The following MACROD2 variants were observed in gnomAD, a reference collection of about 807,000 sequenced individuals.
The protein encoded by MACROD2 is mono-ADP ribosylhydrolase 2, also known as ADP-ribose glycohydrolase MACROD2.
Under a neutral mutation model 70.4 loss-of-function variants are expected in MACROD2, and 36 were observed. The observed-to-expected ratio is 0.51, with a 90% CI of 0.39 to 0.68. MACROD2 has a LOEUF of 0.68. Among genes scored for constraint, MACROD2 ranks in the 30% least tolerant of loss-of-function variants. MACROD2 has a pLI of 0.00. For missense variants in MACROD2, 496 were observed against 538.4 expected (o/e 0.92, Z 0.78); for synonymous variants, 172 against 178.8 (o/e 0.96, Z 0.30).
At chr20:15,971,898 C>CT (rs2066236824) in intron 13 of MACROD2, among the ~76,000 whole-genome samples, 1 of 152,098 alleles carries the variant, frequency 6.6e-6, no homozygotes, top group Non-Finnish European at 1.5e-5. Context: ...ATAAATGGAA[C>CT]TCAACCCATA....
At chr20:15,717,460 T>A (rs1252336151) in intron 8 of MACROD2, among the ~76,000 whole-genome samples, 7 of 152,228 alleles carry the variant, frequency 4.6e-5, no homozygotes, top group Admixed American at 4.6e-4. Context: ...TTTATGGAGA[T>A]AACATGATTG....
chr20:15,230,435 G>T (rs2076950474), intron 6 of MACROD2, among the ~76,000 whole-genome samples: 1 of 152,104 alleles, frequency 6.6e-6, no homozygotes, highest in African/African-American at 2.4e-5. Context: ...ATATATATTG[G>T]TTGTATGCTT....
At chr20:14,193,984 A>G (rs1221948001) in intron 3 of MACROD2, among the ~76,000 whole-genome samples, 1 of 152,196 alleles carries the variant, frequency 6.6e-6, no homozygotes, top group Admixed American at 6.5e-5. Context: ...AGAAGGTCCA[A>G]TTGAAGGAGT....
intron 8 of MACROD2, among the ~76,000 whole-genome samples, chr20:15,570,478 G>A (rs1328442543): frequency 6.6e-6 from 1 of 152,112 alleles, no homozygotes; most frequent in Non-Finnish European, 1.5e-5. Flanking sequence ...AGTTATGAAC[G>A]ACTGAGAACC....
chr20:15,989,475 C>T (rs1362960276), intron 15 of MACROD2, among the ~76,000 whole-genome samples: 1 of 152,160 alleles, frequency 6.6e-6, no homozygotes. Context: ...CTCAATCTTC[C>T]ATTTGAGAAA....
intron 4 of MACROD2, among the ~76,000 whole-genome samples, chr20:14,625,276 G>A (rs553839219): frequency 4.5e-4 from 68 of 152,102 alleles, no homozygotes; most frequent in Non-Finnish European, 1.5e-4. Context: ...GCAGTGAGTC[G>A]AGATCGTGCC....
intron 15 of MACROD2, among the ~76,000 whole-genome samples, chr20:16,023,797 G>T (rs73111717): frequency 0.12 from 18,260 of 152,160 alleles, 1,330 homozygotes; most frequent in Middle Eastern, 0.19. Context: ...GTTGAAGTTT[G>T]TCTGGGGGTG....
chr20:15,934,507 A>G (rs1404837754), intron 11 of MACROD2, among the ~76,000 whole-genome samples: 1 of 151,840 alleles, frequency 6.6e-6, no homozygotes, highest in Non-Finnish European at 1.5e-5. Context: ...CCCACCCCCA[A>G]CCCACACATT....
At chr20:15,519,055 T>TTTCCTTCCTTCC (rs373164988) in intron 8 of MACROD2, among the ~76,000 whole-genome samples, 1,203 of 116,378 alleles carry the variant, frequency 0.01, 13 homozygotes, top group East Asian at 0.03. Flanking sequence ...TAACTCGCTC[T>TTTCCTTCCTTCC]TTCCTTCCTT....
chr20:15,386,205 A>G (rs889978038), intron 6 of MACROD2, among the ~76,000 whole-genome samples: 32 of 152,210 alleles, frequency 2.1e-4, no homozygotes, highest in African/African-American at 7.7e-4. Context: ...CATGGCTATT[A>G]GCAAAGGCAA....
At chr20:14,678,293 C>T (rs1317483861) in intron 4 of MACROD2, among the ~76,000 whole-genome samples, 1 of 152,126 alleles carries the variant, frequency 6.6e-6, no homozygotes, top group African/African-American at 2.4e-5. Context: ...AGGACTCAGT[C>T]TCACAACCCC....
chr20:15,716,172 T>G (rs1304583541), intron 8 of MACROD2, among the ~76,000 whole-genome samples: 1 of 152,166 alleles, frequency 6.6e-6, no homozygotes. Context: ...AAAAACTATT[T>G]AAAAATTTGT....
At chr20:15,602,154 C>T (rs1190051305) in intron 8 of MACROD2, among the ~76,000 whole-genome samples, 2 of 152,128 alleles carry the variant, frequency 1.3e-5, no homozygotes, top group East Asian at 1.9e-4. Flanking sequence ...AACCTCCTGC[C>T]GTGATGGGAG....
intron 5 of MACROD2, among the ~76,000 whole-genome samples, chr20:14,984,088 A>G (rs930642767): frequency 3.3e-5 from 5 of 152,138 alleles, no homozygotes; most frequent in African/African-American, 9.7e-5. Context: ...AACTCTGAAT[A>G]CCTACTTAAG....
chr20:14,357,847 A>G (rs982554), intron 3 of MACROD2, among the ~76,000 whole-genome samples: 89,776 of 152,158 alleles, frequency 0.59, 28,338 homozygotes, highest in Non-Finnish European at 0.71. Flanking sequence ...TGCAAATAAG[A>G]CAGTGCTCTC....
At chr20:14,207,768 T>G (rs1232183997) in intron 3 of MACROD2, among the ~76,000 whole-genome samples, 1 of 152,230 alleles carries the variant, frequency 6.6e-6, no homozygotes, top group African/African-American at 2.4e-5. Context: ...AGTCTCATTA[T>G]CCACTTAGCC....
chr20:14,024,340 G>A (rs536678616), intron 2 of MACROD2, among the ~76,000 whole-genome samples: 1 of 152,316 alleles, frequency 6.6e-6, no homozygotes, highest in African/African-American at 2.4e-5. Flanking sequence ...TGCAAACAGA[G>A]ACAATTTGAC....
chr20:15,066,197 T>G (rs1399303613), intron 5 of MACROD2, among the ~76,000 whole-genome samples: 2 of 151,850 alleles, frequency 1.3e-5, no homozygotes, highest in African/African-American at 4.8e-5. Flanking sequence ...AATGGTACGA[T>G]CTCAGCTCAC....
intron 6 of MACROD2, among the ~76,000 whole-genome samples, chr20:15,244,010 T>C (rs940668270): frequency 1.2e-4 from 19 of 152,304 alleles, no homozygotes; most frequent in Admixed American, 4.6e-4. Flanking sequence ...AAACTCACAA[T>C]TTAATAAGTT....
Sources: gnomAD v4.1 joint callset for allele counts (sites outside exome capture counted in the v4.1 genomes callset) on GRCh38, gnomAD v4.1.1 for gene constraint, MANE v1.5 for transcripts, NCBI Gene and HGNC (gene_info 2026-07-23, HGNC 2026-07-21) for gene names.